Variants in PRRC2C observed in about 807,000 individuals in gnomAD.
The protein encoded by PRRC2C is protein PRRC2C.
Under a neutral mutation model 317.2 loss-of-function variants are expected in PRRC2C, and 72 were observed. That is an observed-to-expected ratio of 0.23 (90% CI 0.19 to 0.28). The LOEUF (loss-of-function observed/expected upper bound fraction) is 0.28. PRRC2C is among the 10% of genes least tolerant of loss of function. The pLI is 1.00. For synonymous variants in PRRC2C, 1,296 were observed against 1,205.9 expected (o/e 1.07, Z -1.55); for missense variants, 3,074 against 3,459.7 (o/e 0.89, Z 2.80).
chr1:171,579,615 C>G, intron 27 of PRRC2C, 149 bp downstream of exon 27: 1 of 1,395,862 alleles, frequency 7.2e-7, no homozygotes, highest in Non-Finnish European at 9.3e-7. Flanking sequence ...AAAATTTTTC[C>G]CAAATTTACC....
chr1:171,587,668 A>G lies in PRRC2C; in HGVS notation c.7989A>G (p.Lys2663=). ...TTGKMSEMEL[K]AFGSGIDIKP... ...CTCAGATGTCTGAAATGGAACTAAA[A>G]GCCTTTGGAAGTGGCATTGATATAA... The change falls in exon 32 of 35, where the codon AAA becomes AAG. Residue 2663 remains lysine, a synonymous_variant. Coordinates refer to ENST00000647382, the MANE Select transcript of PRRC2C (RefSeq NM_001387844.1). 4.3e-6 allele frequency: 7 copies of G among 1,611,810 alleles called. No homozygotes were observed. Among genetic ancestry groups the G allele is most frequent in the Non-Finnish European group, 5.1e-6 (6 of 1,178,096 alleles).
At chr1:171,528,286 AT>A (rs60053076) in intron 11 of PRRC2C, among the ~76,000 whole-genome samples, 16,971 of 135,652 alleles carry the variant, frequency 0.13, 1,073 homozygotes, top group East Asian at 0.2. Context: ...CATCAGTGAA[AT>A]TTTTTTTTTT....
At chr1:171,514,725 G>A in intron 4 of PRRC2C, 80 bp downstream of exon 4, 1 of 1,211,022 alleles carries the variant, frequency 8.3e-7, no homozygotes, top group Non-Finnish European at 1.2e-6. Context: ...GGTGAACTGT[G>A]TTTTGGTAGA....
chr1:171,555,468 A>G (rs1420951971), intron 18 of PRRC2C, among the ~76,000 whole-genome samples: 2 of 152,154 alleles, frequency 1.3e-5, no homozygotes, highest in African/African-American at 4.8e-5. Context: ...ACTTCTATCA[A>G]CTTGTCAAAG....
At chr1:171,521,611 C>T (rs747839813) in intron 6 of PRRC2C, among the ~76,000 whole-genome samples, 29 of 152,282 alleles carry the variant, frequency 1.9e-4, no homozygotes, top group South Asian at 6.2e-4. Context: ...TTCTTCCCCA[C>T]GCCTGCCACC....
At chr1:171,490,043 C>T (rs2102019763) in intron 1 of PRRC2C, among the ~76,000 whole-genome samples, 1 of 152,214 alleles carries the variant, frequency 6.6e-6, no homozygotes, top group South Asian at 2.1e-4. Flanking sequence ...CCTCAGCTTC[C>T]TGAGTAGCTG....
At chr1:171,535,923 T>C in intron 13 of PRRC2C, 106 bp from the exon 14 acceptor site, 1 of 1,395,496 alleles carries the variant, frequency 7.2e-7, no homozygotes, top group South Asian at 1.3e-5. Context: ...GAACTCTTAC[T>C]TTTCCTTCAA....
intron 25 of PRRC2C, among the ~76,000 whole-genome samples, chr1:171,576,476 A>G (rs555746254): frequency 2.6e-4 from 40 of 152,336 alleles, no homozygotes; most frequent in African/African-American, 9.4e-4. Flanking sequence ...CTTATACATT[A>G]CTTTTTAATC....
chr1:171,554,488 G>A (rs1680952315), intron 18 of PRRC2C, among the ~76,000 whole-genome samples: 1 of 152,158 alleles, frequency 6.6e-6, no homozygotes, highest in African/African-American at 2.4e-5. Context: ...ATATTGTTAT[G>A]TGTGAATTTG....
intron 24 of PRRC2C, among the ~76,000 whole-genome samples, chr1:171,573,914 T>G (rs1685245433): frequency 6.6e-6 from 1 of 151,932 alleles, no homozygotes; most frequent in African/African-American, 2.4e-5. Context: ...TCTGACCTCG[T>G]GATCCGCCTG....
At chr1:171,520,801 T>TC (rs1673402992) in intron 6 of PRRC2C, among the ~76,000 whole-genome samples, 2 of 146,556 alleles carry the variant, frequency 1.4e-5, no homozygotes, top group African/African-American at 5.2e-5. Context: ...CTTCTCCTTT[T>TC]TTTTTTTTTT....
At chr1:171,500,448 G>A (rs1668877243) in intron 1 of PRRC2C, among the ~76,000 whole-genome samples, 2 of 152,004 alleles carry the variant, frequency 1.3e-5, no homozygotes, top group African/African-American at 4.8e-5. Context: ...ACCCAGGCTT[G>A]AGTGGACTGG....
intron 1 of PRRC2C, among the ~76,000 whole-genome samples, chr1:171,485,967 C>G (rs1356318449): frequency 6.6e-6 from 1 of 152,074 alleles, no homozygotes; most frequent in Admixed American, 6.5e-5. Flanking sequence ...CAGACCCGCC[C>G]CATGTGGTCT....
At position 171,533,069 on chromosome 1, in the gene PRRC2C, T is replaced by C. The variant is rs534382547; in HGVS notation, c.1873+108T>C. On this transcript the variant is annotated intron_variant, in intron 12 of 34. Coordinates refer to ENST00000647382, the MANE Select transcript of PRRC2C (RefSeq NM_001387844.1). The stretch of plus-strand genomic sequence containing the variant: ...ATATATGTAATCAATATAAAAGTGA[T>C]TGTTTTATGATAGCATTTGCAGTAC... 1.4e-5 allele frequency: 16 copies of C among 1,128,412 alleles called. No homozygotes were observed. In the African/African-American group the frequency reaches 2.4e-4, roughly 17 times the overall value. 69.9% of individuals were successfully genotyped at this position (1,128,412 alleles called of 1,614,324 possible).
intron 30 of PRRC2C, among the ~76,000 whole-genome samples, chr1:171,585,378 A>T (rs1649640342): frequency 2.0e-5 from 3 of 152,176 alleles, no homozygotes; most frequent in Non-Finnish European, 4.4e-5. Context: ...TGAAAAGTAT[A>T]TGGTACGTTT....
chr1:171,562,647 T>C (rs1682916760), intron 20 of PRRC2C, among the ~76,000 whole-genome samples: 1 of 152,176 alleles, frequency 6.6e-6, no homozygotes, highest in Non-Finnish European at 1.5e-5. Flanking sequence ...AGTTTTTGGG[T>C]TGAACAGTAG....
At chr1:171,505,816 C>T (rs1670070336) in intron 1 of PRRC2C, among the ~76,000 whole-genome samples, 3 of 152,204 alleles carry the variant, frequency 2.0e-5, no homozygotes, top group Admixed American at 2.0e-4. Context: ...AACGATGTTT[C>T]AGTCAACAGT....
intron 1 of PRRC2C, among the ~76,000 whole-genome samples, chr1:171,500,033 G>T (rs1033363757): frequency 6.6e-6 from 1 of 152,040 alleles, no homozygotes; most frequent in African/African-American, 2.4e-5. Flanking sequence ...AATTGTTGTC[G>T]TTCATTTTTA....
At position 171,512,019 on chromosome 1, in the gene PRRC2C, T is replaced by C; in HGVS notation, c.-57-13T>C. Reference sequence around the variant, plus strand: ...TTTTCATCCTTATTTTTCTTTCTTATGTACATCTTAAGGACTGGGGTTTTA... The same window carrying C: ...TTTTCATCCTTATTTTTCTTTCTTACGTACATCTTAAGGACTGGGGTTTTA... On this transcript the variant is annotated splice_polypyrimidine_tract_variant and intron_variant, in intron 1 of 34. Coordinates refer to ENST00000647382, the MANE Select transcript of PRRC2C (RefSeq NM_001387844.1). The C allele has an allele frequency of 9.0e-6, 7 of 775,830 alleles. No homozygotes were observed. The highest frequency in any genetic ancestry group is 1.4e-5 in the Non-Finnish European group (7 of 495,072). 48.1% of individuals were successfully genotyped at this position (775,830 alleles called of 1,614,324 possible).
Sources: gnomAD v4.1 joint callset for allele counts (sites outside exome capture counted in the v4.1 genomes callset) on GRCh38, gnomAD v4.1.1 for gene constraint, MANE v1.5 for transcripts, NCBI Gene and HGNC (gene_info 2026-07-23, HGNC 2026-07-21) for gene names.